The following GLRB variants were observed in gnomAD, a reference collection of about 807,000 sequenced individuals.
GLRB encodes the protein glycine receptor subunit beta.
In GLRB, 33 loss-of-function variants were observed where a neutral mutation model predicts 54.2. The ratio of observed to expected loss-of-function variants is 0.61; its 90% confidence interval spans 0.46 to 0.81. GLRB has a LOEUF of 0.81. GLRB is among the 40% of genes least tolerant of loss of function. The probability of loss-of-function intolerance (pLI) is 0.00; values close to 1 mark genes in which losing one functional copy is unlikely to be tolerated. For synonymous variants in GLRB, 209 were observed against 208.2 expected (o/e 1.00, Z -0.03); for missense variants, 572 against 584.6 (o/e 0.98, Z 0.22).
intron 8 of GLRB, among the ~76,000 whole-genome samples, chr4:157,151,307 C>T (rs1737014319): frequency 6.6e-6 from 1 of 151,990 alleles, no homozygotes; most frequent in African/African-American, 2.4e-5. Flanking sequence ...AGTTAATTCC[C>T]ATGGCTATAA....
intron 9 of GLRB, among the ~76,000 whole-genome samples, chr4:157,158,044 T>C (rs1241472856): frequency 1.3e-5 from 2 of 152,200 alleles, no homozygotes; most frequent in Non-Finnish European, 2.9e-5. Context: ...TGGTGTGAAA[T>C]GGTATCTCAT....
chr4:157,157,675 C>T (rs901487386), intron 9 of GLRB, among the ~76,000 whole-genome samples: 1 of 152,030 alleles, frequency 6.6e-6, no homozygotes, highest in African/African-American at 2.4e-5. Flanking sequence ...TGAACTCATC[C>T]TTTTTATGGC....
intron 8 of GLRB, among the ~76,000 whole-genome samples, chr4:157,151,308 A>G (rs1198428357): frequency 6.6e-6 from 1 of 152,098 alleles, no homozygotes; most frequent in African/African-American, 2.4e-5. Flanking sequence ...GTTAATTCCC[A>G]TGGCTATAAT....
chr4:157,142,849 ATTC>A (rs1736667963), intron 7 of GLRB, among the ~76,000 whole-genome samples: 1 of 152,198 alleles, frequency 6.6e-6, no homozygotes, highest in African/African-American at 2.4e-5. Flanking sequence ...GGCAAATGAC[ATTC>A]TTCTCTAAAT....
intron 2 of GLRB, 114 bp from the exon 3 acceptor site, chr4:157,120,442 A>G (rs1011162999): frequency 1.2e-5 from 5 of 430,092 alleles, no homozygotes; most frequent in Non-Finnish European, 2.2e-5. Flanking sequence ...AGAAAAAGCC[A>G]TACTATAGTT....
At chr4:157,077,148 T>C (rs1165897401) in intron 1 of GLRB, among the ~76,000 whole-genome samples, 1 of 152,164 alleles carries the variant, frequency 6.6e-6, no homozygotes, top group African/African-American at 2.4e-5. Context: ...TGAACTTCTC[T>C]AGTGTAGGTA....
At chr4:157,090,907 G>C (rs976649296) in intron 2 of GLRB, among the ~76,000 whole-genome samples, 1 of 152,098 alleles carries the variant, frequency 6.6e-6, no homozygotes, top group Admixed American at 6.5e-5. Flanking sequence ...TTGTTTGGAA[G>C]TTCATATTTT....
intron 9 of GLRB, among the ~76,000 whole-genome samples, chr4:157,163,160 G>A (rs1442815440): frequency 6.6e-6 from 1 of 152,172 alleles, no homozygotes; most frequent in Non-Finnish European, 1.5e-5. Flanking sequence ...ATTTCCTGGT[G>A]TGCCATTTGC....
intron 8 of GLRB, among the ~76,000 whole-genome samples, chr4:157,150,534 A>G (rs960326958): frequency 6.6e-6 from 1 of 152,006 alleles, no homozygotes; most frequent in Non-Finnish European, 1.5e-5. Context: ...TCTTTACCTC[A>G]CAAAGTCCTC....
chr4:157,104,834 G>T (rs1735161894), intron 2 of GLRB, among the ~76,000 whole-genome samples: 1 of 151,836 alleles, frequency 6.6e-6, no homozygotes, highest in Non-Finnish European at 1.5e-5. Context: ...TATCCAGTTT[G>T]TTGGTATGTA....
chr4:157,103,203 A>G (rs573873120), intron 2 of GLRB, among the ~76,000 whole-genome samples: 1 of 152,204 alleles, frequency 6.6e-6, no homozygotes, highest in Non-Finnish European at 1.5e-5. Context: ...TAGGGACACA[A>G]AGGCACTCAA....
intron 2 of GLRB, among the ~76,000 whole-genome samples, chr4:157,115,046 A>G (rs370755624): frequency 7.2e-5 from 11 of 151,874 alleles, no homozygotes; most frequent in African/African-American, 2.7e-4. Context: ...ATCTACACCA[A>G]TTATTTGGAA....
At chr4:157,148,945 G>A (rs866151246) in intron 8 of GLRB, among the ~76,000 whole-genome samples, 3 of 152,096 alleles carry the variant, frequency 2.0e-5, no homozygotes, top group Admixed American at 6.6e-5. Context: ...ATGGAATTAC[G>A]CTGCAGGTAT....
intron 8 of GLRB, among the ~76,000 whole-genome samples, chr4:157,147,873 G>A (rs1187752598): frequency 2.6e-5 from 4 of 152,176 alleles, no homozygotes; most frequent in South Asian, 4.1e-4. Context: ...CTGTCATTCC[G>A]TTAAACTCTG....
chr4:157,087,122 T>G (rs1428075450), intron 2 of GLRB, among the ~76,000 whole-genome samples: 1 of 152,154 alleles, frequency 6.6e-6, no homozygotes, highest in Non-Finnish European at 1.5e-5. Flanking sequence ...GCTTGCTAGT[T>G]CAAAGAAAAT....
At chr4:157,120,725 G>C in intron 3 of GLRB, 63 bp downstream of exon 3, 1 of 784,934 alleles carries the variant, frequency 1.3e-6, no homozygotes, top group South Asian at 1.4e-5. Flanking sequence ...TATGTTTAGA[G>C]ATTTGTGATA....
chr4:157,083,510 G>C (rs546269458), intron 2 of GLRB, among the ~76,000 whole-genome samples: 13 of 152,114 alleles, frequency 8.5e-5, no homozygotes, highest in Non-Finnish European at 1.6e-4. Flanking sequence ...ATATTTTAGA[G>C]AAAGGTTGAG....
intron 2 of GLRB, among the ~76,000 whole-genome samples, chr4:157,098,319 A>G (rs1734887912): frequency 6.6e-6 from 1 of 152,194 alleles, no homozygotes; most frequent in Non-Finnish European, 1.5e-5. Context: ...CTGTCAAATG[A>G]AAAGACAAAT....
At chr4:157,138,740 A>G in intron 6 of GLRB, 69 bp from the exon 7 acceptor site, 1 of 809,022 alleles carries the variant, frequency 1.2e-6, no homozygotes, top group Non-Finnish European at 2.1e-6. Flanking sequence ...TAAGATTTGA[A>G]TTATGAAAAT....
Sources: gnomAD v4.1 joint callset for allele counts (sites outside exome capture counted in the v4.1 genomes callset) on GRCh38, gnomAD v4.1.1 for gene constraint, MANE v1.5 for transcripts, NCBI Gene and HGNC (gene_info 2026-07-23, HGNC 2026-07-21) for gene names.